The following MAGI3 variants were observed in gnomAD, a reference collection of about 807,000 sequenced individuals.
MAGI3 encodes the protein membrane-associated guanylate kinase, WW and PDZ domain-containing protein 3.
Under a neutral mutation model 121.8 loss-of-function variants are expected in MAGI3, and 43 were observed. That is an observed-to-expected ratio of 0.35 (90% CI 0.28 to 0.46). The LOEUF (loss-of-function observed/expected upper bound fraction) is 0.46. Among genes scored for constraint, MAGI3 ranks in the 20% least tolerant of loss-of-function variants. The pLI is 1.00. For missense variants in MAGI3, 1,547 were observed against 1,797.3 expected (o/e 0.86, Z 2.52); for synonymous variants, 553 against 639.3 (o/e 0.86, Z 2.04).
Position 113,594,554 on chromosome 1 carries a change from G to T in MAGI3, c.1012G>T (p.Asp338Tyr), listed in dbSNP as rs771970427. The stretch of plus-strand genomic sequence containing the variant: ...AGCCAAAGCCCCTGAAGACTGTGAA[G>T]ATGGAGGTAGAGATTCAGAAACTTA... Reference protein sequence around the residue: ...KKAKAPEDCEDGELPYGWEKI... With the variant: ...KKAKAPEDCEYGELPYGWEKI... The change falls in exon 6 of 21, where the codon GAT becomes TAT. Residue 338 changes from aspartate to tyrosine, a missense_variant. Asp to Tyr is a radical substitution (Grantham distance 160). Coordinates refer to ENST00000307546, the MANE Select transcript of MAGI3 (RefSeq NM_001142782.2). 6.2e-7 allele frequency: 1 copy of T among 1,610,614 alleles called. No homozygotes were observed. The highest frequency in any genetic ancestry group is 8.5e-7 in the Non-Finnish European group (1 of 1,178,074).
At chr1:113,473,258 A>G (rs1041632075) in intron 1 of MAGI3, among the ~76,000 whole-genome samples, 1 of 151,094 alleles carries the variant, frequency 6.6e-6, no homozygotes, top group Non-Finnish European at 1.5e-5. Context: ...CCAGTACTTT[A>G]TTTATTTATT....
At position 113,605,490 on chromosome 1, in the gene MAGI3, G is replaced by C. The variant is rs1328095039; in HGVS notation, c.1019-9111G>C. 2.6e-5 allele frequency among the ~76,000 whole-genome samples: 4 copies of C among 152,210 alleles called. No individual in the cohort carries two copies. In the East Asian group the frequency reaches 7.7e-4, roughly 29 times the overall value. ...AAATGACTGGGGAGAGTAGAAGTGG[G>C]GTAAAGTGAGATAATTCCCTGGAAT... On this transcript the variant is annotated intron_variant, in intron 6 of 20. Coordinates refer to ENST00000307546, the MANE Select transcript of MAGI3 (RefSeq NM_001142782.2).
rs1394984107 is a variant in MAGI3, at chr1:113,685,830, T to G, written c.*1816T>G. ...TGTACTGGTTGTAAATGTTTATATATTGTACAGTACCTTTATATATACACT... is the reference window on the plus strand; with the variant it reads ...TGTACTGGTTGTAAATGTTTATATAGTGTACAGTACCTTTATATATACACT... On this transcript the variant is annotated 3_prime_UTR_variant, in exon 21 of 21. Coordinates refer to ENST00000307546, the MANE Select transcript of MAGI3 (RefSeq NM_001142782.2). The G allele has an allele frequency of 6.6e-6, 1 of 152,302 alleles. No individual in the cohort carries two copies. Among genetic ancestry groups the G allele is most frequent in the Non-Finnish European group, 1.5e-5 (1 of 68,018 alleles). 9.4% of individuals were successfully genotyped at this position (152,302 alleles called of 1,614,324 possible).
Position 113,684,238 on chromosome 1 carries a change from C to T in MAGI3, c.*224C>T, listed in dbSNP as rs1203744060. The T allele has an allele frequency of 1.0e-4, 43 of 431,670 alleles. No individual in the cohort carries two copies. In the Admixed American group the frequency reaches 1.8e-3, roughly 18 times the overall value. The allele number at this position is 431,670 out of a possible 1,614,324, so 26.7% of individuals were successfully genotyped here. A position where few individuals can be genotyped will look rare whatever the true frequency, so the allele number is the denominator to read the frequency against. On this transcript the variant is annotated 3_prime_UTR_variant, in exon 21 of 21. Transcript: ENST00000307546. ...CGCTCTCAGGAAGGAGCTGCATCCA[C>T]ATGCTCATCTGACCCGCCCTGCTCA...
intron 3 of MAGI3, among the ~76,000 whole-genome samples, chr1:113,581,781 G>A (rs1261498108): frequency 6.6e-6 from 1 of 152,000 alleles, no homozygotes; most frequent in African/African-American, 2.4e-5. Context: ...TACCTTTTCT[G>A]GGCTTAGCGC....
Position 113,661,373 on chromosome 1 carries a change from G to A in MAGI3, c.2815+2108G>A, listed in dbSNP as rs548158001. Among the ~76,000 whole-genome samples the A allele has an allele frequency of 3.9e-5, 6 of 152,272 alleles. No homozygotes were observed. In the South Asian group the frequency reaches 1.2e-3, roughly 32 times the overall value. On this transcript the variant is annotated intron_variant, in intron 16 of 20. Coordinates refer to ENST00000307546, the MANE Select transcript of MAGI3 (RefSeq NM_001142782.2). The stretch of plus-strand genomic sequence containing the variant: ...TATATTAACTAATACAATAATCCTA[G>A]GCAGGCACTATGGTTTTCCAATTCT...
chr1:113,585,532 T>C lies in MAGI3; in HGVS notation c.699T>C (p.Asp233=). 3 of 1,614,150 alleles carry C rather than the reference T, an allele frequency of 1.9e-6. No individual in the cohort carries two copies. The highest frequency in any genetic ancestry group is 2.5e-6 in the Non-Finnish European group (3 of 1,180,004). Residue 233 remains aspartate, a synonymous_variant, in exon 4 of 21, where the codon GAT becomes GAC. Coordinates refer to ENST00000307546, the MANE Select transcript of MAGI3 (RefSeq NM_001142782.2). ...CTGTCAGCAAGATGGAAAGAATGGA[T>C]AGCTCTCTTCCTGAAGAGGAAGAAG... ...TTSVSKMERM[D]SSLPEEEEDE...
At chr1:113,635,216 A>C (rs546351451) in intron 9 of MAGI3, among the ~76,000 whole-genome samples, 1 of 152,232 alleles carries the variant, frequency 6.6e-6, no homozygotes, top group African/African-American at 2.4e-5. Context: ...AATACCCTTT[A>C]TTTCCTTCTC....
chr1:113,516,701 A>G (rs868589300), intron 1 of MAGI3, among the ~76,000 whole-genome samples: 27 of 152,158 alleles, frequency 1.8e-4, no homozygotes, highest in Middle Eastern at 6.8e-3. Flanking sequence ...CCCACTCCTT[A>G]GGTATGAGCT....
At chr1:113,393,507 T>C (rs1225204096) in intron 1 of MAGI3, among the ~76,000 whole-genome samples, 1 of 152,226 alleles carries the variant, frequency 6.6e-6, no homozygotes, top group Non-Finnish European at 1.5e-5. Flanking sequence ...AAAATAGTAT[T>C]CTTAGCTTCT....
chr1:113,679,410 T>C (rs910184334), intron 19 of MAGI3, among the ~76,000 whole-genome samples: 8 of 152,178 alleles, frequency 5.3e-5, no homozygotes, highest in Non-Finnish European at 8.8e-5. Flanking sequence ...TCCAGCTCCA[T>C]CCATGTTGCT....
At chr1:113,585,884 A>G (rs546321647) in intron 4 of MAGI3, among the ~76,000 whole-genome samples, 1 of 152,280 alleles carries the variant, frequency 6.6e-6, no homozygotes, top group East Asian at 1.9e-4. Flanking sequence ...TGATGTTGCA[A>G]TGTGGGAGTC....
chr1:113,683,133 A>C lies in MAGI3; in HGVS notation c.3565A>C (p.Lys1189Gln). 1 of 1,613,074 alleles carries C rather than the reference A, an allele frequency of 6.2e-7. No individual in the cohort carries two copies. Among genetic ancestry groups the C allele is most frequent in the South Asian group, 1.1e-5 (1 of 90,794 alleles). The part of the protein sequence containing the change: ...PEIKHQSLLQ[K>Q]NVSKRDPPSS... ...GATAAAGCATCAGTCTCTTCTCCAG[A>C]AAAATGTGAGTAAGAGGGATCCACC... is the stretch of plus-strand genomic sequence containing the variant. The change falls in exon 21 of 21, where the codon AAA becomes CAA. Residue 1189 changes from lysine to glutamine, a missense_variant. By Grantham distance (53) the Lys-to-Gln change is moderately conservative (BLOSUM62 1). Transcript: ENST00000307546.
chr1:113,566,286 G>A (rs1441476997), intron 2 of MAGI3, among the ~76,000 whole-genome samples: 1 of 152,146 alleles, frequency 6.6e-6, no homozygotes, highest in Non-Finnish European at 1.5e-5. Context: ...AGTCATGTAA[G>A]TTAATAGCAG....
At position 113,685,857 on chromosome 1, in the gene MAGI3, G is replaced by C. The variant is rs1163565558; in HGVS notation, c.*1843G>C. 6.6e-6 allele frequency: 1 copy of C among 152,258 alleles called. No homozygotes were observed. Among genetic ancestry groups the C allele is most frequent in the Non-Finnish European group, 1.5e-5 (1 of 68,014 alleles). The allele number at this position is 152,258 out of a possible 1,614,324, so 9.4% of individuals were successfully genotyped here. ...GTACAGTACCTTTATATATACACTT[G>C]AGGTTCTGATTAGAGAAAGATCTGT... On this transcript the variant is annotated 3_prime_UTR_variant, in exon 21 of 21. Transcript: ENST00000307546.
intron 11 of MAGI3, 40 bp downstream of exon 11, chr1:113,643,814 C>T (rs772018480): frequency 6.3e-7 from 1 of 1,586,902 alleles, no homozygotes; most frequent in Non-Finnish European, 8.6e-7. Flanking sequence ...CCCCAACACA[C>T]TGAGAGAGAT....
intron 1 of MAGI3, among the ~76,000 whole-genome samples, chr1:113,455,602 A>G (rs1654712848): frequency 6.6e-6 from 1 of 151,932 alleles, no homozygotes. Flanking sequence ...GGACCTTTGC[A>G]CGTCCTGTTT....
intron 1 of MAGI3, among the ~76,000 whole-genome samples, chr1:113,525,996 A>G (rs1008218643): frequency 2.0e-5 from 3 of 152,166 alleles, no homozygotes; most frequent in Non-Finnish European, 2.9e-5. Flanking sequence ...GTGAGACTCC[A>G]TCTCAAAAAA....
At chr1:113,570,980 T>C (rs1393147087) in intron 2 of MAGI3, among the ~76,000 whole-genome samples, 1 of 152,226 alleles carries the variant, frequency 6.6e-6, no homozygotes, top group Non-Finnish European at 1.5e-5. Flanking sequence ...GCCTACGTCC[T>C]GAATGGTATT....
Sources: gnomAD v4.1 joint callset for allele counts (sites outside exome capture counted in the v4.1 genomes callset) on GRCh38, gnomAD v4.1.1 for gene constraint, MANE v1.5 for transcripts, NCBI Gene and HGNC (gene_info 2026-07-23, HGNC 2026-07-21) for gene names.